CDK19: variants seen among roughly 807,000 people sequenced by gnomAD.
CDK19 encodes the protein cyclin-dependent kinase 19.
Under a neutral mutation model 68.3 loss-of-function variants are expected in CDK19, and 20 were observed. The observed-to-expected ratio is 0.29, with a 90% CI of 0.21 to 0.43. CDK19 has a LOEUF of 0.43. Among genes scored for constraint, CDK19 ranks in the 20% least tolerant of loss-of-function variants. The pLI is 1.00. For synonymous variants in CDK19, 221 were observed against 222.8 expected, an observed-to-expected ratio of 0.99 and a Z score of 0.07; for missense variants, 339 against 623.5, an observed-to-expected ratio of 0.54 and a Z score of 4.86.
chr6:110,650,656 G>A (rs1374002487), intron 4 of CDK19, among the ~76,000 whole-genome samples: 2 of 152,124 alleles, frequency 1.3e-5, no homozygotes, highest in African/African-American at 2.4e-5. Context: ...AGTCAGCTGG[G>A]TGTCTAAGGG....
At chr6:110,741,683 A>G (rs1289691007) in intron 2 of CDK19, among the ~76,000 whole-genome samples, 1 of 152,062 alleles carries the variant, frequency 6.6e-6, no homozygotes, top group African/African-American at 2.4e-5. Flanking sequence ...CCCTCTTCAT[A>G]TACAAGGGAT....
At position 110,622,082 on chromosome 6, in the gene CDK19, TTA is replaced by T. The variant is rs1461553358; in HGVS notation, c.1110+4_1110+5del. 1 of 1,596,330 alleles carries T rather than the reference TTA, an allele frequency of 6.3e-7. No individual in the cohort carries two copies. Among genetic ancestry groups the T allele is most frequent in the East Asian group, 2.2e-5 (1 of 44,776 alleles). ...TGGAAGTGAAAGTATACCGTGCAGT[TTA>T]TACCTTGTCACCTTTTTCTTCAGGA... On this transcript the variant is annotated splice_donor_5th_base_variant and intron_variant, in intron 11 of 12. Coordinates refer to ENST00000368911, the MANE Select transcript of CDK19 (RefSeq NM_015076.5).
rs1396602123 is a variant in CDK19, at chr6:110,627,150, G to A, written c.647-5C>T. The A allele has an allele frequency of 1.3e-6, 2 of 1,598,336 alleles. No homozygotes were observed. Among genetic ancestry groups the A allele is most frequent in the South Asian group, 1.1e-5 (1 of 88,962 alleles). On this transcript the variant is annotated splice_polypyrimidine_tract_variant and splice_region_variant and intron_variant, in intron 6 of 12. Transcript: ENST00000368911. ...TACAACCTATTGCCCATATATCTGG[G>A]AAGGAAGAAACATAAGTTTTTGTAT...
At chr6:110,682,435 G>A (rs1772097601) in intron 2 of CDK19, among the ~76,000 whole-genome samples, 1 of 152,166 alleles carries the variant, frequency 6.6e-6, no homozygotes, top group Non-Finnish European at 1.5e-5. Context: ...TTAAGAATTA[G>A]TATTTGAAAG....
intron 1 of CDK19, among the ~76,000 whole-genome samples, chr6:110,805,257 G>GT (rs1447859737): frequency 1.3e-5 from 2 of 151,960 alleles, no homozygotes; most frequent in Non-Finnish European, 2.9e-5. Context: ...TAAAGAAATT[G>GT]TCATGCTAGT....
At chr6:110,729,250 A>G (rs1280921424) in intron 2 of CDK19, among the ~76,000 whole-genome samples, 1 of 152,226 alleles carries the variant, frequency 6.6e-6, no homozygotes, top group East Asian at 1.9e-4. Flanking sequence ...GCTCCCCCAA[A>G]CCATTGCTTG....
chr6:110,622,856 C>A lies in CDK19; in HGVS notation c.990G>T (p.Leu330=), dbSNP rs979089531. The A allele has an allele frequency of 6.2e-7, 1 of 1,613,718 alleles. No individual in the cohort carries two copies. The highest frequency in any genetic ancestry group is 1.3e-5 in the African/African-American group (1 of 75,040). The change falls in exon 10 of 13, where the codon CTG becomes CTT. Residue 330 remains leucine, a synonymous_variant. Transcript: ENST00000368911. ...GGTCCTCCTGAAAATAGGGATCCTG[C>A]AGAGCTTGCTCCGAGGTAATTCTCT... The part of the protein sequence containing the change: ...PTKRITSEQA[L]QDPYFQEDPL...
At chr6:110,687,988 C>T (rs1772632649) in intron 2 of CDK19, among the ~76,000 whole-genome samples, 1 of 152,188 alleles carries the variant, frequency 6.6e-6, no homozygotes, top group Non-Finnish European at 1.5e-5. Context: ...TCAAATCTCA[C>T]ATACACTCTC....
At chr6:110,717,539 A>G (rs1775501869) in intron 2 of CDK19, among the ~76,000 whole-genome samples, 1 of 152,136 alleles carries the variant, frequency 6.6e-6, no homozygotes, top group South Asian at 2.1e-4. Flanking sequence ...AGACTGTCTC[A>G]TTTTCTTTAT....
chr6:110,749,162 G>C (rs1450908729), intron 1 of CDK19, among the ~76,000 whole-genome samples: 2 of 152,112 alleles, frequency 1.3e-5, no homozygotes, highest in Non-Finnish European at 2.9e-5. Context: ...AAAAATACAT[G>C]TATTTGTACT....
chr6:110,727,429 C>T (rs574064002), intron 2 of CDK19, among the ~76,000 whole-genome samples: 53 of 152,196 alleles, frequency 3.5e-4, no homozygotes, highest in African/African-American at 1.2e-3. Flanking sequence ...AGAATGCCTT[C>T]AATCACAGTC....
chr6:110,752,619 T>C (rs1025562134), intron 1 of CDK19, among the ~76,000 whole-genome samples: 1 of 152,232 alleles, frequency 6.6e-6, no homozygotes, highest in African/African-American at 2.4e-5. Flanking sequence ...ATCACCAAAA[T>C]ACAGTACTAT....
At chr6:110,775,845 G>A (rs578216068) in intron 1 of CDK19, among the ~76,000 whole-genome samples, 1 of 152,198 alleles carries the variant, frequency 6.6e-6, no homozygotes, top group African/African-American at 2.4e-5. Flanking sequence ...AAAATCTGAT[G>A]ACACGTCAAG....
At chr6:110,635,757 T>C (rs1004210466) in intron 5 of CDK19, among the ~76,000 whole-genome samples, 1 of 152,166 alleles carries the variant, frequency 6.6e-6, no homozygotes, top group African/African-American at 2.4e-5. Flanking sequence ...CCAGATGGTC[T>C]CGATCTCTTG....
intron 4 of CDK19, among the ~76,000 whole-genome samples, chr6:110,650,054 A>G (rs1243530766): frequency 6.6e-6 from 1 of 152,236 alleles, no homozygotes; most frequent in Non-Finnish European, 1.5e-5. Flanking sequence ...AGCAATAAAA[A>G]AATCACTGAA....
At chr6:110,662,947 A>C (rs1011522731) in intron 4 of CDK19, among the ~76,000 whole-genome samples, 19 of 152,154 alleles carry the variant, frequency 1.2e-4, no homozygotes, top group African/African-American at 4.6e-4. Context: ...TCTGTATTAA[A>C]TTCTAGGATT....
At chr6:110,652,080 GAAAC>G (rs1356132624) in intron 4 of CDK19, among the ~76,000 whole-genome samples, 2 of 149,856 alleles carry the variant, frequency 1.3e-5, no homozygotes, top group Admixed American at 6.6e-5. Context: ...TCTCAAAAAA[GAAAC>G]AAACAAACAA....
intron 4 of CDK19, among the ~76,000 whole-genome samples, chr6:110,660,494 G>T (rs1254821660): frequency 6.6e-6 from 1 of 152,144 alleles, no homozygotes. Context: ...CTGCACTCGT[G>T]GCACCCGAGT....
intron 1 of CDK19, among the ~76,000 whole-genome samples, chr6:110,786,834 C>T (rs1341154719): frequency 2.6e-5 from 4 of 152,148 alleles, no homozygotes; most frequent in African/African-American, 4.8e-5. Context: ...TTCTCATTGT[C>T]CAGACTTTCT....
Sources: gnomAD v4.1 joint callset for allele counts (sites outside exome capture counted in the v4.1 genomes callset) on GRCh38, gnomAD v4.1.1 for gene constraint, MANE v1.5 for transcripts, NCBI Gene and HGNC (gene_info 2026-07-23, HGNC 2026-07-21) for gene names.